TRPA1: variants seen among roughly 807,000 people sequenced by gnomAD.
TRPA1 encodes the protein transient receptor potential cation channel subfamily A member 1, also known as ankyrin-like with transmembrane domains 1.
In TRPA1, 129 loss-of-function variants were observed where a neutral mutation model predicts 131.3. The ratio of observed to expected loss-of-function variants is 0.98; its 90% CI spans 0.85 to 1.14. The LOEUF is 1.14. Ranked by LOEUF, TRPA1 falls within the 50% of genes most tolerant of loss-of-function variation. The pLI is 0.00. For synonymous variants in TRPA1, 441 were observed against 451.7 expected, an observed-to-expected ratio of 0.98 and a Z score of 0.30; for missense variants, 1,304 against 1,354.2, an observed-to-expected ratio of 0.96 and a Z score of 0.58.
intron 23 of TRPA1, among the ~76,000 whole-genome samples, chr8:72,031,264 T>C (rs1213353394): frequency 6.6e-6 from 1 of 152,148 alleles, no homozygotes; most frequent in Non-Finnish European, 1.5e-5. Flanking sequence ...TTCTCTCCAA[T>C]TTACATTGAC....
chr8:72,086,755 G>C, the TRPA1 span, among the ~76,000 whole-genome samples: 1 of 151,844 alleles, frequency 6.6e-6, no homozygotes, highest in Non-Finnish European at 1.5e-5. Context: ...TGTTTACCTT[G>C]TTCTGTACTC....
chr8:72,024,800 T>C (rs374366277), intron 25 of TRPA1, among the ~76,000 whole-genome samples: 1 of 152,084 alleles, frequency 6.6e-6, no homozygotes, highest in Non-Finnish European at 1.5e-5. Flanking sequence ...GCATTCTGTT[T>C]CGGTAGTAAT....
intron 12 of TRPA1, chr8:72,055,073 TAC>T (rs1209410832): frequency 7.7e-6 from 2 of 259,568 alleles, no homozygotes; most frequent in Admixed American, 1.0e-4. Context: ...CATACACACA[TAC>T]ACAACCACAG....
At chr8:72,030,426 C>A (rs1050454234) in intron 23 of TRPA1, among the ~76,000 whole-genome samples, 1 of 152,262 alleles carries the variant, frequency 6.6e-6, no homozygotes, top group Middle Eastern at 3.4e-3. Context: ...AAGTGGGAGA[C>A]TGGGCATATA....
At position 72,071,754 on chromosome 8, in the gene TRPA1, T is replaced by C. The variant is rs1168491601; in HGVS notation, c.225A>G (p.Gln75=). Reference sequence around the variant, plus strand: ...TGGTGATCTTCTCCATTAGCTCAATTTGGCCTTCTGCTGCAGCATAATGCA... The same window carrying C: ...TGGTGATCTTCTCCATTAGCTCAATCTGGCCTTCTGCTGCAGCATAATGCA... ...FFLHYAAAEG[Q]IELMEKITRD... The change falls in exon 2 of 27, where the codon CAA becomes CAG. Residue 75 remains glutamine, a synonymous_variant. Coordinates refer to ENST00000262209, the MANE Select transcript of TRPA1 (RefSeq NM_007332.3). 6.2e-7 allele frequency: 1 copy of C among 1,613,726 alleles called. No individual in the cohort carries two copies. Among genetic ancestry groups the C allele is most frequent in the Non-Finnish European group, 8.5e-7 (1 of 1,179,884 alleles).
intron 9 of TRPA1, among the ~76,000 whole-genome samples, 188 bp from the exon 10 acceptor site, chr8:72,057,205 G>A (rs1805690689): frequency 6.6e-6 from 1 of 152,186 alleles, no homozygotes; most frequent in African/African-American, 2.4e-5. Context: ...CTGTGTGTGT[G>A]TGTGTCTGTA....
chr8:72,072,923 A>G (rs1400428381), intron 1 of TRPA1, among the ~76,000 whole-genome samples: 1 of 152,226 alleles, frequency 6.6e-6, no homozygotes, highest in Non-Finnish European at 1.5e-5. Context: ...TGAGCATATC[A>G]GACGTACTAG....
In TRPA1 at chr8:72,046,697, A is replaced by T. The variant is rs1805336389; in HGVS notation, c.1966-89T>A. On this transcript the variant is annotated intron_variant, in intron 16 of 26. Transcript: ENST00000262209. ...AATTCTTGAAAAAATCAAATACACAAATTTACAATTCTGCTGAAAATTAAG... is the reference window on the plus strand; with the variant it reads ...AATTCTTGAAAAAATCAAATACACATATTTACAATTCTGCTGAAAATTAAG... 5.8e-6 allele frequency: 4 copies of T among 688,454 alleles called. 1 individual carries two copies. The South Asian group carries it at 7.4e-5, about 13-fold the overall frequency. The allele number at this position is 688,454 out of a possible 1,614,324, so 42.6% of individuals were successfully genotyped here.
chr8:72,076,646 C>T (rs536186106), upstream of TRPA1: 1 of 152,404 alleles, frequency 6.6e-6, no homozygotes, highest in South Asian at 2.1e-4. Context: ...ACTCTCTGAC[C>T]TAGGGGCTGT....
intron 20 of TRPA1, 63 bp from the exon 21 acceptor site, chr8:72,036,520 T>C (rs1374693992): frequency 4.8e-6 from 7 of 1,444,384 alleles, no homozygotes; most frequent in East Asian, 2.3e-5. Context: ...GATGGTTATA[T>C]ACATGCACCC....
chr8:72,033,629 GA>G lies in TRPA1; in HGVS notation c.2868+14del, dbSNP rs1261536938. 6.2e-7 allele frequency: 1 copy of G among 1,607,350 alleles called. No homozygotes were observed. Among genetic ancestry groups the G allele is most frequent in the Non-Finnish European group, 8.5e-7 (1 of 1,175,752 alleles). Reference sequence around the variant, plus strand: ...AATGATCAACAAACAGAAAATATAAGAAAAAACTACTTACAAGTAAATTCAT... The same window carrying G: ...AATGATCAACAAACAGAAAATATAAGAAAAACTACTTACAAGTAAATTCAT... On this transcript the variant is annotated intron_variant, in intron 23 of 26. Transcript: ENST00000262209.
chr8:72,061,481 A>G, intron 7 of TRPA1, 144 bp downstream of exon 7: 1 of 897,190 alleles, frequency 1.1e-6, no homozygotes, highest in Non-Finnish European at 1.8e-6. Context: ...ATTCCGGTTG[A>G]TCCACAGGGT....
chr8:72,041,875 A>T (rs1812263550), intron 17 of TRPA1, among the ~76,000 whole-genome samples: 1 of 151,850 alleles, frequency 6.6e-6, no homozygotes, highest in East Asian at 1.9e-4. Flanking sequence ...GCAGAGATAA[A>T]TGTAATAGAG....
In TRPA1 at chr8:72,065,553, C is replaced by T; in HGVS notation, c.450G>A (p.Leu150=). The change falls in exon 4 of 27, where the codon TTG becomes TTA. Residue 150 remains leucine (L), a synonymous_variant. Transcript: ENST00000262209. ...TAACATCAATAGTTCTATGCTCAAG[C>T]AAGACCTAAAAAAAGGGGAGAATAA... ...QGMNNEVMKV[L]LEHRTIDVNL... is the part of the protein sequence containing the mutation. 1 of 1,612,608 alleles carries T rather than the reference C, an allele frequency of 6.2e-7. No individual in the cohort carries two copies. The highest frequency in any genetic ancestry group is 8.5e-7 in the Non-Finnish European group (1 of 1,179,068).
At chr8:72,037,925 C>G in intron 20 of TRPA1, 58 bp downstream of exon 20, 1 of 1,019,730 alleles carries the variant, frequency 9.8e-7, no homozygotes, top group Non-Finnish European at 1.5e-6. Context: ...TATCAATTAA[C>G]TTATGTTCTG....
upstream of TRPA1, among the ~76,000 whole-genome samples, chr8:72,079,502 A>G (rs1480097240): frequency 6.6e-6 from 1 of 152,000 alleles, no homozygotes; most frequent in Admixed American, 6.6e-5. Context: ...ATTGTCAAAA[A>G]TCAATTGACT....
At chr8:72,026,376 C>T (rs1343753851) in intron 24 of TRPA1, among the ~76,000 whole-genome samples, 1 of 152,164 alleles carries the variant, frequency 6.6e-6, no homozygotes, top group Non-Finnish European at 1.5e-5. Flanking sequence ...GGGATAGTCA[C>T]CCGATGTTTT....
chr8:72,061,583 A>G (rs752606680), intron 7 of TRPA1, 42 bp downstream of exon 7: 10 of 1,612,108 alleles, frequency 6.2e-6, no homozygotes, highest in Non-Finnish European at 8.5e-6. Flanking sequence ...TCACTCATGA[A>G]GATGAAAAAT....
At chr8:72,051,557 T>C (rs1275279510) in intron 14 of TRPA1, among the ~76,000 whole-genome samples, 1 of 152,052 alleles carries the variant, frequency 6.6e-6, no homozygotes, top group Admixed American at 6.6e-5. Context: ...AAAGAAAAGT[T>C]TGGATTGAAC....
Sources: gnomAD v4.1 joint callset for allele counts (sites outside exome capture counted in the v4.1 genomes callset) on GRCh38, gnomAD v4.1.1 for gene constraint, MANE v1.5 for transcripts, NCBI Gene and HGNC (gene_info 2026-07-23, HGNC 2026-07-21) for gene names.